Variants in CSMD1 observed in about 807,000 individuals in gnomAD.
CSMD1 encodes the protein CUB and sushi domain-containing protein 1.
Under a neutral mutation model 417.5 loss-of-function variants are expected in CSMD1, and 213 were observed. The observed-to-expected ratio is 0.51, with a 90% CI of 0.46 to 0.57. The LOEUF is 0.57. Among genes scored for constraint, CSMD1 ranks in the 20% least tolerant of loss-of-function variants. The pLI is 0.00. For missense variants in CSMD1, 6,923 were observed against 4,529.7 expected (o/e 1.53, Z -15.17); for synonymous variants, 2,862 against 1,736.8 (o/e 1.65, Z -16.11).
At chr8:3,941,982 A>T (rs1810914833) in intron 5 of CSMD1, among the ~76,000 whole-genome samples, 1 of 152,004 alleles carries the variant, frequency 6.6e-6, no homozygotes, top group Non-Finnish European at 1.5e-5. Flanking sequence ...TGCTGGCATT[A>T]CCACCTGCAC....
Position 3,219,278 on chromosome 8 carries a change from G to C in CSMD1, c.4649C>G (p.Ser1550Ter). Residue 1550 changes from serine (S) to a stop codon, truncating the protein, a stop_gained, in exon 29 of 70, where the codon TCA (serine) becomes TGA (stop). Coordinates refer to ENST00000635120, the MANE Select transcript of CSMD1 (RefSeq NM_033225.6). LOFTEE classifies it high-confidence loss of function. ...ACCTTTAAATTCAATGGCGAACCCT[G>C]AAAGGCCCACGGAGGCATCACTCCG... ...AFRSDASVGL[S>*]GFAIEFKEKP... The C allele has an allele frequency of 6.3e-7, 1 of 1,594,802 alleles. No individual in the cohort carries two copies. Among genetic ancestry groups the C allele is most frequent in the Non-Finnish European group, 8.5e-7 (1 of 1,169,768 alleles).
At chr8:3,681,193 A>C (rs1799643745) in intron 7 of CSMD1, among the ~76,000 whole-genome samples, 1 of 152,190 alleles carries the variant, frequency 6.6e-6, no homozygotes, top group South Asian at 2.1e-4. Context: ...GGCCAGGGCA[A>C]TTAGGCAGGA....
intron 12 of CSMD1, among the ~76,000 whole-genome samples, chr8:3,442,105 T>C (rs907275624): frequency 2.6e-5 from 4 of 151,594 alleles, no homozygotes; most frequent in Non-Finnish European, 1.5e-5. Context: ...AAATAAAAAA[T>C]GTTTACAGAA....
chr8:4,393,913 C>A (rs371409005), intron 3 of CSMD1, among the ~76,000 whole-genome samples: 1 of 152,148 alleles, frequency 6.6e-6, no homozygotes, highest in East Asian at 1.9e-4. Context: ...CATCTTAAAT[C>A]CGTTAGCTAG....
At chr8:3,908,376 C>T (rs1265858312) in intron 5 of CSMD1, among the ~76,000 whole-genome samples, 1 of 152,128 alleles carries the variant, frequency 6.6e-6, no homozygotes, top group Non-Finnish European at 1.5e-5. Context: ...GATACATTTT[C>T]CCAATGGGAA....
intron 1 of CSMD1, among the ~76,000 whole-genome samples, chr8:4,935,086 C>A (rs905981886): frequency 2.0e-5 from 3 of 152,152 alleles, no homozygotes; most frequent in Admixed American, 1.3e-4. Context: ...CACAACAGGC[C>A]CCATGATCAG....
intron 10 of CSMD1, among the ~76,000 whole-genome samples, chr8:3,561,524 G>T (rs1166068595): frequency 1.3e-5 from 2 of 152,182 alleles, no homozygotes; most frequent in African/African-American, 4.8e-5. Flanking sequence ...TGCAGAAATG[G>T]AAAGTCAAAT....
rs368592556 is a variant in CSMD1, at chr8:3,359,247, G to A, written c.3209C>T (p.Ser1070Phe). 8.7e-6 allele frequency: 14 copies of A among 1,613,746 alleles called. No individual in the cohort carries two copies. The highest frequency in any genetic ancestry group is 2.2e-5 in the East Asian group (1 of 44,878). ...HFGVGDSLTF[S>F]CFLGYRLEGA... is the part of the protein sequence containing the mutation. ...TTCTAAACGATATCCCAGGAAGCAG[G>A]AAAACGTCAGAGAGTCTCCCACACC... The change falls in exon 21 of 70, where the codon TCC becomes TTC. Residue 1070 changes from serine (S) to phenylalanine (F), a missense_variant. Ser to Phe is a radical substitution (Grantham distance 155). Coordinates refer to ENST00000635120, the MANE Select transcript of CSMD1 (RefSeq NM_033225.6).
intron 2 of CSMD1, among the ~76,000 whole-genome samples, chr8:4,469,868 CTT>C (rs368325145): frequency 6.9e-5 from 10 of 144,748 alleles, no homozygotes; most frequent in Admixed American, 2.1e-4. Flanking sequence ...TTTGGTTTTC[CTT>C]TTTTTTTTTT....
chr8:3,499,433 C>T (rs940026543), intron 10 of CSMD1, among the ~76,000 whole-genome samples: 3 of 152,040 alleles, frequency 2.0e-5, no homozygotes, highest in Non-Finnish European at 2.9e-5. Flanking sequence ...AGTGGTTGGC[C>T]TCAGGTGGGC....
intron 1 of CSMD1, among the ~76,000 whole-genome samples, chr8:4,943,734 T>G (rs1487557357): frequency 2.0e-5 from 3 of 152,170 alleles, no homozygotes; most frequent in Admixed American, 2.0e-4. Flanking sequence ...ATATCCATCA[T>G]GATGTGATAA....
At position 3,782,403 on chromosome 8, in the gene CSMD1, T is replaced by A. The variant is rs1382530212; in HGVS notation, c.819-28361A>T. On this transcript the variant is annotated intron_variant, in intron 5 of 69. Coordinates refer to ENST00000635120, the MANE Select transcript of CSMD1 (RefSeq NM_033225.6). ...TGAATAATCACGATAAACTAAAAAA[T>A]AGACTATAAATAGGCTGTTCAACAA... is the stretch of plus-strand genomic sequence containing the variant. Among the ~76,000 whole-genome samples the A allele has an allele frequency of 5.9e-5, 9 of 152,264 alleles. No homozygotes were observed. In the South Asian group the frequency reaches 1.9e-3, roughly 32 times the overall value.
Position 4,001,333 on chromosome 8 carries a change from T to C in CSMD1, c.611-3223A>G, listed in dbSNP as rs1037133521. Among the ~76,000 whole-genome samples, 20 of 152,032 alleles carry C rather than the reference T, an allele frequency of 1.3e-4. No individual in the cohort carries two copies. In the East Asian group the frequency reaches 2.9e-3, roughly 22 times the overall value. On this transcript the variant is annotated intron_variant, in intron 4 of 69. Coordinates refer to ENST00000635120, the MANE Select transcript of CSMD1 (RefSeq NM_033225.6). ...CACCAGCCATAGCTCCAGGACAGAG[T>C]CCAGGGCCCCCACCCTGCAGCCATT...
intron 50 of CSMD1, among the ~76,000 whole-genome samples, chr8:3,050,278 G>A (rs1811734092): frequency 6.6e-6 from 1 of 152,166 alleles, no homozygotes; most frequent in African/African-American, 2.4e-5. Context: ...TAGAACAAGA[G>A]GGAGTAGAAT....
chr8:3,261,382 C>A (rs866880118), intron 26 of CSMD1, among the ~76,000 whole-genome samples: 1 of 152,050 alleles, frequency 6.6e-6, no homozygotes, highest in African/African-American at 2.4e-5. Flanking sequence ...ACTTACGTTC[C>A]CATGATAAAG....
chr8:2,983,372 G>A (rs1156720491), intron 54 of CSMD1, among the ~76,000 whole-genome samples: 2 of 152,034 alleles, frequency 1.3e-5, no homozygotes, highest in Non-Finnish European at 2.9e-5. Flanking sequence ...ATTTTTAGTA[G>A]AGACAGAGTT....
At position 4,129,558 on chromosome 8, in the gene CSMD1, A is replaced by G. The variant is rs190741807; in HGVS notation, c.416-97459T>C. ...TTTTGAGATTGGATTCCATCAGAATATTTTAGGTTATTTACTTTACGTTTT... is the reference window on the plus strand; with the variant it reads ...TTTTGAGATTGGATTCCATCAGAATGTTTTAGGTTATTTACTTTACGTTTT... On this transcript the variant is annotated intron_variant, in intron 3 of 69. Coordinates refer to ENST00000635120, the MANE Select transcript of CSMD1 (RefSeq NM_033225.6). 5.6e-5 allele frequency among the ~76,000 whole-genome samples: 8 copies of G among 142,920 alleles called. No homozygotes were observed. In the East Asian group the frequency reaches 1.7e-3, roughly 30 times the overall value. 93.8% of individuals were successfully genotyped at this position (142,920 alleles called of 152,430 possible).
At chr8:4,083,262 CCTCT>C (rs1486559742) in intron 3 of CSMD1, among the ~76,000 whole-genome samples, 2 of 152,188 alleles carry the variant, frequency 1.3e-5, no homozygotes, top group East Asian at 3.9e-4. Context: ...TTCTCCACAA[CCTCT>C]CCAGCACCTG....
At chr8:4,556,360 C>T (rs916854236) in intron 2 of CSMD1, among the ~76,000 whole-genome samples, 2 of 151,860 alleles carry the variant, frequency 1.3e-5, no homozygotes, top group African/African-American at 4.8e-5. Flanking sequence ...TGAAGATGTC[C>T]AAAAATAACT....
Sources: gnomAD v4.1 joint callset for allele counts (sites outside exome capture counted in the v4.1 genomes callset) on GRCh38, gnomAD v4.1.1 for gene constraint, MANE v1.5 for transcripts, NCBI Gene and HGNC (gene_info 2026-07-23, HGNC 2026-07-21) for gene names.